The following CLIC5 variants were observed in gnomAD, a reference collection of about 807,000 sequenced individuals.
CLIC5 encodes the protein CLIC family member 5.
CLIC5 carries 20 observed loss-of-function variants against 24.7 expected under a neutral mutation model. The observed-to-expected ratio is 0.81, with a 90% confidence interval of 0.57 to 1.18. The LOEUF (loss-of-function observed/expected upper bound fraction) is 1.18, where lower values mean the gene tolerates loss of function less well. Ranked by LOEUF, CLIC5 falls within the 50% of genes most tolerant of loss-of-function variation. The probability of loss-of-function intolerance (pLI) is 0.00; values close to 1 mark genes in which losing one functional copy is unlikely to be tolerated. For synonymous variants in CLIC5, 159 were observed against 135.6 expected (o/e 1.17, Z -1.20); for missense variants, 341 against 326.1 (o/e 1.05, Z -0.35).
intron 1 of CLIC5, among the ~76,000 whole-genome samples, chr6:45,982,327 G>T (rs1040465274): frequency 2.0e-5 from 3 of 152,138 alleles, no homozygotes; most frequent in African/African-American, 7.2e-5. Flanking sequence ...CATCTCTAAG[G>T]CATTTCCAGT....
intron 4 of CLIC5, among the ~76,000 whole-genome samples, chr6:45,923,810 A>G (rs1260404965): frequency 6.6e-6 from 1 of 152,242 alleles, no homozygotes; most frequent in East Asian, 1.9e-4. Flanking sequence ...ATTATATTAA[A>G]TGTTAATATA....
chr6:46,098,430 T>C, the CLIC5 span, among the ~76,000 whole-genome samples: 1 of 152,216 alleles, frequency 6.6e-6, no homozygotes, highest in African/African-American at 2.4e-5. Flanking sequence ...CAAATTCTGA[T>C]GTGTGTATGT....
chr6:45,896,491 T>C (rs1762394326), downstream of CLIC5, among the ~76,000 whole-genome samples: 3 of 152,266 alleles, frequency 2.0e-5, no homozygotes, highest in South Asian at 6.2e-4. Flanking sequence ...TTCTCGTTTC[T>C]TTGTTTTCAG....
At chr6:45,995,813 C>T (rs1014462581) in intron 1 of CLIC5, among the ~76,000 whole-genome samples, 2 of 152,034 alleles carry the variant, frequency 1.3e-5, no homozygotes, top group African/African-American at 2.4e-5. Context: ...ATGTCCTTTG[C>T]GGGGACATGG....
chr6:46,030,020 C>T (rs1317855298), intron 1 of CLIC5, among the ~76,000 whole-genome samples: 1 of 152,092 alleles, frequency 6.6e-6, no homozygotes, highest in Non-Finnish European at 1.5e-5. Context: ...TCATGAAGGT[C>T]CCTGCCTTGA....
the CLIC5 span, among the ~76,000 whole-genome samples, chr6:46,127,263 G>T: frequency 6.6e-6 from 1 of 152,004 alleles, no homozygotes; most frequent in Non-Finnish European, 1.5e-5. Flanking sequence ...TAGCTATTTT[G>T]AAATATAAAA....
chr6:45,946,237 G>A (rs1764284547), intron 3 of CLIC5, among the ~76,000 whole-genome samples: 1 of 152,224 alleles, frequency 6.6e-6, no homozygotes, highest in South Asian at 2.1e-4. Flanking sequence ...TGAAAGGCAA[G>A]GGCCAGAATG....
At chr6:46,002,649 T>C (rs571268788) in intron 1 of CLIC5, among the ~76,000 whole-genome samples, 26 of 152,318 alleles carry the variant, frequency 1.7e-4, no homozygotes, top group African/African-American at 6.3e-4. Context: ...ACAAGTAGCA[T>C]ATGTATATTT....
intron 5 of CLIC5, among the ~76,000 whole-genome samples, chr6:45,910,580 A>T (rs771007939): frequency 3.3e-5 from 5 of 152,358 alleles, no homozygotes; most frequent in African/African-American, 1.2e-4. Flanking sequence ...ATTAATATTT[A>T]TTACAGTCCT....
intron 1 of CLIC5, among the ~76,000 whole-genome samples, chr6:46,009,402 CCTGA>C (rs1167715204): frequency 6.6e-6 from 1 of 151,966 alleles, no homozygotes; most frequent in Non-Finnish European, 1.5e-5. Context: ...GAGAAATGTC[CCTGA>C]CTGTGGGAGC....
intron 1 of CLIC5, among the ~76,000 whole-genome samples, chr6:46,046,631 A>G (rs187888172): frequency 6.6e-6 from 1 of 152,228 alleles, no homozygotes; most frequent in Admixed American, 6.5e-5. Context: ...TGATTTTGAT[A>G]AAGTCCACTT....
the CLIC5 span, among the ~76,000 whole-genome samples, chr6:46,110,212 C>T: frequency 6.6e-6 from 1 of 152,222 alleles, no homozygotes; most frequent in Admixed American, 6.5e-5. Context: ...ACATTCTCAC[C>T]ACCTGTTTCT....
intron 4 of CLIC5, among the ~76,000 whole-genome samples, chr6:45,921,265 G>T (rs1763249469): frequency 6.6e-6 from 1 of 152,162 alleles, no homozygotes; most frequent in Admixed American, 6.5e-5. Flanking sequence ...TTTAGAAGAT[G>T]GGAAGGGGAC....
the CLIC5 span, among the ~76,000 whole-genome samples, chr6:46,099,858 C>T: frequency 6.6e-6 from 1 of 151,992 alleles, no homozygotes; most frequent in Admixed American, 6.6e-5. Context: ...GTTAACATGA[C>T]TGGCAGAATA....
the CLIC5 span, among the ~76,000 whole-genome samples, chr6:46,091,271 C>T: frequency 3.9e-4 from 59 of 152,232 alleles, no homozygotes; most frequent in Non-Finnish European, 7.6e-4. Context: ...CCACCAACCT[C>T]TTGCCACCAC....
chr6:46,119,959 C>T, the CLIC5 span, among the ~76,000 whole-genome samples: 3 of 152,186 alleles, frequency 2.0e-5, no homozygotes, highest in Non-Finnish European at 4.4e-5. Flanking sequence ...TGGAGCCCAC[C>T]GCAGCTCAAG....
chr6:46,006,127 C>CATATATATATATATATATATATATAT (rs58643121), intron 1 of CLIC5, among the ~76,000 whole-genome samples: 1 of 35,148 alleles, frequency 2.8e-5, no homozygotes, highest in Non-Finnish European at 4.5e-5. Flanking sequence ...TGTATAAATA[C>CATATATATATATATATATATATATAT]ATATATATAT....
In CLIC5 at chr6:46,058,014, C is replaced by T. The variant is rs1562028831; in HGVS notation, c.540+21689G>A. Among the ~76,000 whole-genome samples the T allele has an allele frequency of 2.6e-5, 4 of 152,176 alleles. No homozygotes were observed. In the South Asian group the frequency reaches 8.3e-4, roughly 32 times the overall value. On this transcript the variant is annotated intron_variant, in intron 1 of 5. Coordinates refer to the CLIC5 transcript ENST00000185206. ...TGTGAAATCTTTCTGGGCTTTCTCC[C>T]TGCCCCTGAAAGATCAATCACTCCT...
chr6:45,977,156 T>A (rs1765412446), intron 1 of CLIC5, among the ~76,000 whole-genome samples: 1 of 152,208 alleles, frequency 6.6e-6, no homozygotes, highest in South Asian at 2.1e-4. Context: ...CACCCTTGAA[T>A]AACAAGGATT....
Sources: gnomAD v4.1 joint callset for allele counts (sites outside exome capture counted in the v4.1 genomes callset) on GRCh38, gnomAD v4.1.1 for gene constraint, MANE v1.5 for transcripts, NCBI Gene and HGNC (gene_info 2026-07-23, HGNC 2026-07-21) for gene names.